HAUS8: variants seen among roughly 807,000 people sequenced by gnomAD.
HAUS8 encodes HAUS augmin like complex subunit 8, also known as HAUS augmin-like complex subunit 8.
In HAUS8, 38 loss-of-function variants were observed where a neutral mutation model predicts 42.9. That is an observed-to-expected ratio of 0.89 (90% CI 0.68 to 1.16). HAUS8 has a LOEUF of 1.16. Ranked by LOEUF, HAUS8 falls within the 50% of genes most tolerant of loss-of-function variation. The pLI is 0.00. For synonymous variants in HAUS8, 199 were observed against 205.8 expected, an observed-to-expected ratio of 0.97 and a Z score of 0.28; for missense variants, 494 against 511.6, an observed-to-expected ratio of 0.97 and a Z score of 0.33.
In HAUS8 at chr19:17,073,108, A is replaced by G. The variant is rs141749941; in HGVS notation, c.91+166T>C. The stretch of plus-strand genomic sequence containing the variant: ...AAATGACCACCACCATTCCTGACAC[A>G]GCCCTCGCCACAGGGCTGGGATGGC... On this transcript the variant is annotated intron_variant, in intron 2 of 10. Transcript: ENST00000253669. 5.0e-3 allele frequency among the ~76,000 whole-genome samples: 758 copies of G among 152,274 alleles called. 10 individuals are homozygous for G. Among genetic ancestry groups the G allele is most frequent in the African/African-American group, 0.018 (729 of 41,560 alleles).
chr19:17,065,268 A>C (rs1164407577), intron 3 of HAUS8, among the ~76,000 whole-genome samples: 1 of 152,182 alleles, frequency 6.6e-6, no homozygotes, highest in Non-Finnish European at 1.5e-5. Context: ...TCCTGTTACC[A>C]TTATATAGAG....
At chr19:17,060,237 A>C (rs2123369929) in intron 4 of HAUS8, 145 bp from the exon 5 acceptor site, 2 of 545,138 alleles carry the variant, frequency 3.7e-6, no homozygotes, top group South Asian at 2.7e-5. Context: ...AAAAAAAAAA[A>C]AAAAAAAAAA....
chr19:17,067,501 C>G (rs1240561140), intron 3 of HAUS8, among the ~76,000 whole-genome samples: 1 of 151,892 alleles, frequency 6.6e-6, no homozygotes, highest in Non-Finnish European at 1.5e-5. Context: ...ACAGGCAAGA[C>G]CCTATGCTGA....
At chr19:17,073,150 A>G (rs985309842) in intron 2 of HAUS8, 124 bp downstream of exon 2, 25 of 836,302 alleles carry the variant, frequency 3.0e-5, no homozygotes, top group Non-Finnish European at 5.1e-5. Context: ...CAGAATCCCC[A>G]CAGGTGTGAC....
At position 17,050,248 on chromosome 19, in the gene HAUS8, G is replaced by C. The variant is rs547998491; in HGVS notation, c.930-72C>G. ...AAGCGCATGTGTGTGGTGAACGGAG[G>C]GCTGCCACACGGGGAGGCGGATTTT... On this transcript the variant is annotated intron_variant, in intron 10 of 10. Coordinates refer to ENST00000253669, the MANE Select transcript of HAUS8 (RefSeq NM_033417.2). 183 of 1,222,456 alleles carry C rather than the reference G, an allele frequency of 1.5e-4. 2 individuals are homozygous for C. The South Asian group carries it at 3.9e-3, about 26-fold the overall frequency. The allele number at this position is 1,222,456 out of a possible 1,614,324, so 75.7% of individuals were successfully genotyped here. A position where few individuals can be genotyped will look rare whatever the true frequency, so the allele number is the denominator to read the frequency against.
intron 2 of HAUS8, among the ~76,000 whole-genome samples, 155 bp downstream of exon 2, chr19:17,073,119 C>CA (rs2057438575): frequency 6.6e-6 from 1 of 152,164 alleles, no homozygotes; most frequent in African/African-American, 2.4e-5. Flanking sequence ...GCCCTCGCCA[C>CA]AGGGCTGGGA....
intron 3 of HAUS8, among the ~76,000 whole-genome samples, chr19:17,066,751 T>A (rs956483428): frequency 6.6e-6 from 1 of 152,108 alleles, no homozygotes; most frequent in Non-Finnish European, 1.5e-5. Context: ...ATCCTCCTCC[T>A]GGGAGAAATA....
At chr19:17,055,459 A>G (rs543292154) in intron 9 of HAUS8, among the ~76,000 whole-genome samples, 3 of 151,612 alleles carry the variant, frequency 2.0e-5, no homozygotes, top group Non-Finnish European at 4.4e-5. Context: ...CACACTTGCC[A>G]AAGTCTTCAA....
chr19:17,073,614 T>C (rs1198634992), intron 1 of HAUS8: 1 of 467,066 alleles, frequency 2.1e-6, no homozygotes, highest in Admixed American at 3.4e-5. Flanking sequence ...AAATTATCCC[T>C]GGGTTCATTC....
chr19:17,068,584 T>C (rs1167592805), intron 3 of HAUS8, among the ~76,000 whole-genome samples: 3 of 151,786 alleles, frequency 2.0e-5, no homozygotes, highest in Non-Finnish European at 2.9e-5. Flanking sequence ...CTGGGCAACA[T>C]AGGGAGACCC....
At chr19:17,069,226 C>A in intron 2 of HAUS8, 140 bp from the exon 3 acceptor site, 1 of 718,194 alleles carries the variant, frequency 1.4e-6, no homozygotes, top group Non-Finnish European at 2.5e-6. Flanking sequence ...ACCACTCCTC[C>A]TGCTCGCCTC....
At position 17,055,159 on chromosome 19, in the gene HAUS8, T is replaced by A. The variant is rs867243534; in HGVS notation, c.787+702A>T. On this transcript the variant is annotated intron_variant, in intron 9 of 10. Coordinates refer to ENST00000253669, the MANE Select transcript of HAUS8 (RefSeq NM_033417.2). ...AAAAAAAAAAATATATATATATATA[T>A]ATATATATATATATATATATATATA... The A allele has an allele frequency of 9.4e-4, 27 of 28,868 alleles. 1 individual carries two copies. The highest frequency in any genetic ancestry group is 2.0e-3 in the Admixed American group (4 of 1,996). The allele number at this position is 28,868 out of a possible 1,614,324, so 1.8% of individuals were successfully genotyped here. A position where few individuals can be genotyped will look rare whatever the true frequency, so the allele number is the denominator to read the frequency against.
rs114906948 is a variant in HAUS8 at position 17,057,342 on chromosome 19, G to A, written c.645+1207C>T. Among the ~76,000 whole-genome samples the A allele has an allele frequency of 8.8e-3, 1,213 of 137,172 alleles. 23 individuals are homozygous for A. Among genetic ancestry groups the A allele is most frequent in the African/African-American group, 0.03 (1,125 of 37,032 alleles). The allele number at this position is 137,172 out of a possible 152,430, so 90.0% of individuals were successfully genotyped here. A position where few individuals can be genotyped will look rare whatever the true frequency, so the allele number is the denominator to read the frequency against. ...TACAGCCTGGGTGACAGAGCAAGAC[G>A]CCCATCTCAAAAAAAAAAAAAATTT... On this transcript the variant is annotated intron_variant, in intron 8 of 10. Transcript: ENST00000253669.
chr19:17,059,237 T>G (rs1320441721), intron 6 of HAUS8, among the ~76,000 whole-genome samples: 1 of 152,204 alleles, frequency 6.6e-6, no homozygotes, highest in East Asian at 1.9e-4. Flanking sequence ...CTCACCCCAG[T>G]GAGACCACAG....
intron 8 of HAUS8, 122 bp downstream of exon 8, chr19:17,058,427 A>G: frequency 1.0e-6 from 1 of 955,918 alleles, no homozygotes; most frequent in Non-Finnish European, 1.5e-6. Flanking sequence ...TGGCATTAAA[A>G]GCCCAACACA....
At position 17,069,214 on chromosome 19, in the gene HAUS8, T is replaced by C. The variant is rs533087087; in HGVS notation, c.92-128A>G. ...CACTCAGTGACCAGAACAGAGGAGGTCACCACTCCTCCTGCTCGCCTCTGA... is the reference window on the plus strand; with the variant it reads ...CACTCAGTGACCAGAACAGAGGAGGCCACCACTCCTCCTGCTCGCCTCTGA... On this transcript the variant is annotated intron_variant, in intron 2 of 10. Transcript: ENST00000253669. 5.2e-6 allele frequency: 4 copies of C among 769,014 alleles called. No individual in the cohort carries two copies. The South Asian group carries it at 5.9e-5, about 11-fold the overall frequency. 47.6% of individuals were successfully genotyped at this position (769,014 alleles called of 1,614,324 possible). A position where few individuals can be genotyped will look rare whatever the true frequency, so the allele number is the denominator to read the frequency against.
rs1378740627 is a variant in HAUS8, at chr19:17,058,712, TA to T, written c.487-6del. ...CTCAGCAAGATTGTTCTCCATCTGT[TA>T]AATGTGAAAGAAAAGCTCAAGCAGG... On this transcript the variant is annotated splice_polypyrimidine_tract_variant and splice_region_variant and intron_variant, in intron 7 of 10. Transcript: ENST00000253669. 6.2e-7 allele frequency: 1 copy of T among 1,604,432 alleles called. No individual in the cohort carries two copies. Among genetic ancestry groups the T allele is most frequent in the East Asian group, 2.2e-5 (1 of 44,788 alleles).
At chr19:17,056,536 TAC>T (rs971310440) in intron 8 of HAUS8, among the ~76,000 whole-genome samples, 3 of 151,984 alleles carry the variant, frequency 2.0e-5, no homozygotes, top group African/African-American at 7.3e-5. Context: ...AGCATCTATA[TAC>T]ACACACACAT....
chr19:17,065,972 T>TAA (rs61226830), intron 3 of HAUS8, among the ~76,000 whole-genome samples: 24,428 of 140,230 alleles, frequency 0.17, 2,442 homozygotes, highest in Non-Finnish European at 0.24. Flanking sequence ...TCTTATCTTC[T>TAA]AAAAAAAAAA....
Sources: gnomAD v4.1 joint callset for allele counts (sites outside exome capture counted in the v4.1 genomes callset) on GRCh38, gnomAD v4.1.1 for gene constraint, MANE v1.5 for transcripts, NCBI Gene and HGNC (gene_info 2026-07-23, HGNC 2026-07-21) for gene names.